Variants in TMEM108 observed in about 807,000 individuals in gnomAD.
The protein encoded by TMEM108 is cancer/testis antigen 124.
In TMEM108, 12 loss-of-function variants were observed where a neutral mutation model predicts 35.1. The ratio of observed to expected loss-of-function variants is 0.34; its 90% CI spans 0.22 to 0.55. TMEM108 has a LOEUF of 0.55. TMEM108 is among the 20% of genes least tolerant of loss of function. The probability of loss-of-function intolerance (pLI) is 0.89; values close to 1 mark genes in which losing one functional copy is unlikely to be tolerated. For synonymous variants in TMEM108, 287 were observed against 308.6 expected, an observed-to-expected ratio of 0.93 and a Z score of 0.73; for missense variants, 680 against 753.3, an observed-to-expected ratio of 0.90 and a Z score of 1.14.
chr3:133,358,215 A>G (rs2072235026), intron 3 of TMEM108, among the ~76,000 whole-genome samples: 1 of 150,698 alleles, frequency 6.6e-6, no homozygotes, highest in Admixed American at 6.6e-5. Flanking sequence ...TCTGTCACCC[A>G]GGCTGGAGTG....
chr3:133,075,723 C>T (rs1424092943), intron 2 of TMEM108, among the ~76,000 whole-genome samples: 1 of 152,086 alleles, frequency 6.6e-6, no homozygotes, highest in Non-Finnish European at 1.5e-5. Flanking sequence ...TTTGATCTGC[C>T]TTTCCTGGGA....
intron 2 of TMEM108, among the ~76,000 whole-genome samples, chr3:133,200,109 G>T (rs369612675): frequency 6.6e-6 from 1 of 152,146 alleles, no homozygotes; most frequent in African/African-American, 2.4e-5. Flanking sequence ...TGCTAAGACC[G>T]TTGGAAAAGC....
intron 2 of TMEM108, among the ~76,000 whole-genome samples, chr3:133,164,461 G>T (rs764642405): frequency 3.9e-5 from 6 of 152,196 alleles, no homozygotes; most frequent in Non-Finnish European, 8.8e-5. Flanking sequence ...GAAAATCTTT[G>T]TATTGGAGCT....
intron 2 of TMEM108, among the ~76,000 whole-genome samples, chr3:133,188,464 A>C (rs1945453845): frequency 6.7e-6 from 1 of 148,746 alleles, no homozygotes; most frequent in African/African-American, 2.5e-5. Flanking sequence ...GGGTTTGGGG[A>C]AGTGAATACG....
chr3:133,088,580 G>A (rs1943910964), intron 2 of TMEM108, among the ~76,000 whole-genome samples: 1 of 152,178 alleles, frequency 6.6e-6, no homozygotes, highest in African/African-American at 2.4e-5. Flanking sequence ...TTATAGATCT[G>A]TGCTAGTAGT....
intron 4 of TMEM108, among the ~76,000 whole-genome samples, chr3:133,384,461 GCCACAA>G (rs2073095552): frequency 7.6e-6 from 1 of 131,624 alleles, no homozygotes; most frequent in South Asian, 2.6e-4. Flanking sequence ...CAGATTGCAA[GCCACAA>G]CCAGTGCCTG....
At chr3:133,287,298 T>A (rs1212345854) in intron 3 of TMEM108, among the ~76,000 whole-genome samples, 1 of 152,202 alleles carries the variant, frequency 6.6e-6, no homozygotes, top group African/African-American at 2.4e-5. Context: ...GTTGAGTATA[T>A]CTATGGGTAT....
chr3:133,105,029 G>A (rs2107718584), intron 2 of TMEM108, among the ~76,000 whole-genome samples: 1 of 152,324 alleles, frequency 6.6e-6, no homozygotes, highest in Admixed American at 6.5e-5. Flanking sequence ...AGAGGCATCT[G>A]TTAGTCTTTG....
chr3:133,342,956 G>A (rs114517182), intron 3 of TMEM108, among the ~76,000 whole-genome samples: 3 of 151,638 alleles, frequency 2.0e-5, no homozygotes, highest in Non-Finnish European at 4.4e-5. Flanking sequence ...TTGAGATGAT[G>A]GATATGGCAA....
chr3:133,318,193 G>A (rs1428270590), intron 3 of TMEM108, among the ~76,000 whole-genome samples: 1 of 152,178 alleles, frequency 6.6e-6, no homozygotes. Context: ...ACCAAGTAGT[G>A]TTCTTTTGTG....
chr3:133,125,828 T>C (rs751665401), intron 2 of TMEM108, among the ~76,000 whole-genome samples: 2 of 152,228 alleles, frequency 1.3e-5, no homozygotes, highest in Non-Finnish European at 2.9e-5. Flanking sequence ...TTCCTTCTTA[T>C]GTGGTTTCTT....
intron 3 of TMEM108, among the ~76,000 whole-genome samples, chr3:133,308,199 C>T (rs11928730): frequency 0.31 from 46,532 of 151,952 alleles, 7,868 homozygotes; most frequent in East Asian, 0.47. Flanking sequence ...GTGATTTTTG[C>T]ATATGGGTTT....
rs553358100 is a variant in TMEM108 at position 133,129,016 on chromosome 3, C to T, written c.-47+82996C>T. 1.1e-4 allele frequency among the ~76,000 whole-genome samples: 17 copies of T among 152,236 alleles called. No individual in the cohort carries two copies. The South Asian group carries it at 3.1e-3, about 28-fold the overall frequency. ...GCCGGCCAGTAATTCAGGTCAGATACCTCTCTGGCATAAAGTCCCCAATGA... is the reference window on the plus strand; with the variant it reads ...GCCGGCCAGTAATTCAGGTCAGATATCTCTCTGGCATAAAGTCCCCAATGA... On this transcript the variant is annotated intron_variant, in intron 2 of 5. Transcript: ENST00000321871.
rs546234243 is a variant in TMEM108, at chr3:133,039,676, G to A, written c.-166+1241G>A. Among the ~76,000 whole-genome samples, 5 of 152,296 alleles carry A rather than the reference G, an allele frequency of 3.3e-5. 1 individual carries two copies. The highest frequency in any genetic ancestry group is 1.2e-4 in the African/African-American group (5 of 41,558). On this transcript the variant is annotated intron_variant, in intron 1 of 5. Transcript: ENST00000321871. Reference sequence around the variant, plus strand: ...ATACACCTGGTAATCTACTCTGTAAGAAATGGTTCAACTAACTCATTATGA... The same window carrying A: ...ATACACCTGGTAATCTACTCTGTAAAAAATGGTTCAACTAACTCATTATGA...
At chr3:133,217,086 A>T (rs1014543914) in intron 2 of TMEM108, among the ~76,000 whole-genome samples, 1 of 151,970 alleles carries the variant, frequency 6.6e-6, no homozygotes, top group Non-Finnish European at 1.5e-5. Context: ...ATCTTTGCCA[A>T]AATTTATCTT....
intron 2 of TMEM108, among the ~76,000 whole-genome samples, chr3:133,057,239 T>C (rs1444238167): frequency 2.0e-5 from 3 of 152,108 alleles, no homozygotes; most frequent in Non-Finnish European, 2.9e-5. Context: ...CTATAAATTT[T>C]GTTTTCTCAG....
intron 2 of TMEM108, among the ~76,000 whole-genome samples, chr3:133,158,295 C>A (rs1944910140): frequency 6.6e-6 from 1 of 151,604 alleles, no homozygotes; most frequent in Non-Finnish European, 1.5e-5. Flanking sequence ...TGGTGAAACC[C>A]CATCTCTACT....
intron 3 of TMEM108, among the ~76,000 whole-genome samples, chr3:133,362,812 T>TG (rs2072392708): frequency 6.6e-6 from 1 of 152,208 alleles, no homozygotes; most frequent in Non-Finnish European, 1.5e-5. Context: ...CACATCCTGC[T>TG]GGTGCTAGCA....
At chr3:133,134,818 C>A in intron 2 of TMEM108, among the ~76,000 whole-genome samples, 1 of 152,030 alleles carries the variant, frequency 6.6e-6, no homozygotes, top group Non-Finnish European at 1.5e-5. Flanking sequence ...CATTATACTA[C>A]TCTGTCTGCC....
Sources: allele counts gnomAD v4.1 joint callset (sites outside exome capture counted in the v4.1 genomes callset), GRCh38; gene constraint gnomAD v4.1.1; transcripts MANE v1.5; gene names NCBI Gene and HGNC (gene_info 2026-07-23, HGNC 2026-07-21).